The following CCDC7 variants were observed in gnomAD, a reference collection of about 807,000 sequenced individuals.
CCDC7 encodes coiled-coil domain-containing protein 7.
CCDC7 carries 183 observed loss-of-function variants against 196.9 expected under a neutral mutation model. The ratio of observed to expected loss-of-function variants is 0.93; its 90% CI spans 0.82 to 1.05. The LOEUF is 1.05. Ranked by LOEUF, CCDC7 falls within the 50% of genes least tolerant of loss-of-function variation. The pLI is 0.00. For missense variants in CCDC7, 1,540 were observed against 1,482.2 expected, an observed-to-expected ratio of 1.04 and a Z score of -0.64; for synonymous variants, 525 against 484.6, an observed-to-expected ratio of 1.08 and a Z score of -1.10.
At chr10:32,604,890 C>A (rs1438691608) in intron 18 of CCDC7, among the ~76,000 whole-genome samples, 1 of 152,014 alleles carries the variant, frequency 6.6e-6, no homozygotes, top group African/African-American at 2.4e-5. Context: ...TTGTCATCTT[C>A]CTTTCCTGTT....
intron 28 of CCDC7, among the ~76,000 whole-genome samples, chr10:32,747,127 G>A (rs1057002866): frequency 6.6e-6 from 1 of 152,174 alleles, no homozygotes; most frequent in Non-Finnish European, 1.5e-5. Context: ...TTAACCTCAA[G>A]GAGCCAGAGA....
intron 28 of CCDC7, among the ~76,000 whole-genome samples, chr10:32,765,140 A>G (rs911621708): frequency 6.6e-6 from 1 of 152,036 alleles, no homozygotes; most frequent in Non-Finnish European, 1.5e-5. Context: ...CCTTGAAGGA[A>G]GGGTACCTTG....
At chr10:32,601,000 T>G (rs2060939325) in intron 18 of CCDC7, among the ~76,000 whole-genome samples, 1 of 152,204 alleles carries the variant, frequency 6.6e-6, no homozygotes, top group Non-Finnish European at 1.5e-5. Context: ...TTATTTGATT[T>G]TTTTTTCTTT....
At chr10:32,653,438 G>A (rs1162591747) in intron 20 of CCDC7, among the ~76,000 whole-genome samples, 4 of 152,130 alleles carry the variant, frequency 2.6e-5, no homozygotes, top group African/African-American at 9.7e-5. Context: ...CTTCGGTTTG[G>A]GGGAGGGGTG....
At chr10:32,661,212 C>T (rs951074599) in intron 20 of CCDC7, among the ~76,000 whole-genome samples, 1 of 150,232 alleles carries the variant, frequency 6.7e-6, no homozygotes, top group Admixed American at 6.7e-5. Context: ...CCAAAAAACA[C>T]ATGAAAAAAT....
At chr10:32,679,209 A>C (rs2075486193) in intron 21 of CCDC7, among the ~76,000 whole-genome samples, 1 of 152,170 alleles carries the variant, frequency 6.6e-6, no homozygotes, top group Admixed American at 6.5e-5. Flanking sequence ...AGCCCAATAA[A>C]AGGCCAATAA....
intron 13 of CCDC7, among the ~76,000 whole-genome samples, chr10:32,560,804 C>T (rs2055410261): frequency 1.3e-5 from 2 of 152,284 alleles, no homozygotes; most frequent in Non-Finnish European, 2.9e-5. Context: ...ATGACAGGAT[C>T]AAATTCACAC....
intron 28 of CCDC7, among the ~76,000 whole-genome samples, chr10:32,775,595 C>T (rs1196021263): frequency 6.6e-6 from 1 of 152,000 alleles, no homozygotes; most frequent in East Asian, 1.9e-4. Flanking sequence ...TTCCATGGTC[C>T]TAGATCATAG....
intron 30 of CCDC7, among the ~76,000 whole-genome samples, chr10:32,810,624 A>T (rs779493406): frequency 1.1e-4 from 16 of 152,194 alleles, no homozygotes; most frequent in Non-Finnish European, 2.2e-4. Flanking sequence ...CAGAAAATCA[A>T]CGAAGAAACA....
At chr10:32,481,026 T>C (rs1250672068) in intron 8 of CCDC7, among the ~76,000 whole-genome samples, 1 of 152,212 alleles carries the variant, frequency 6.6e-6, no homozygotes, top group East Asian at 1.9e-4. Flanking sequence ...ATTTAGGTGT[T>C]GCAATGTTGG....
chr10:32,832,152 G>T (rs1343317195), intron 32 of CCDC7, among the ~76,000 whole-genome samples: 1 of 152,110 alleles, frequency 6.6e-6, no homozygotes, highest in African/African-American at 2.4e-5. Flanking sequence ...TTACATGAGT[G>T]TAACCATACA....
intron 20 of CCDC7, among the ~76,000 whole-genome samples, chr10:32,661,449 T>C (rs1029171243): frequency 6.6e-6 from 1 of 152,124 alleles, no homozygotes; most frequent in Non-Finnish European, 1.5e-5. Context: ...CAGAGGGAGT[T>C]TCTTACCATA....
At chr10:32,528,693 CACACATATATATGTATATATACAT>C (rs1564558714) in intron 11 of CCDC7, among the ~76,000 whole-genome samples, 11 of 113,174 alleles carry the variant, frequency 9.7e-5, no homozygotes, top group African/African-American at 3.6e-4. Flanking sequence ...TATATATACA[CACACATATATATGTATATATACAT>C]ATATACGTAT....
chr10:32,659,921 C>G (rs1308000726), intron 20 of CCDC7, among the ~76,000 whole-genome samples: 1 of 152,118 alleles, frequency 6.6e-6, no homozygotes, highest in African/African-American at 2.4e-5. Context: ...TATGGTGATT[C>G]ATCAAAGACC....
intron 9 of CCDC7, among the ~76,000 whole-genome samples, chr10:32,506,257 G>T (rs1178303011): frequency 6.7e-6 from 1 of 148,508 alleles, no homozygotes; most frequent in Non-Finnish European, 1.5e-5. Context: ...TTCCCAGACG[G>T]GGCGGCCGGG....
chr10:32,517,191 C>T (rs181621008), intron 9 of CCDC7, among the ~76,000 whole-genome samples: 1 of 152,102 alleles, frequency 6.6e-6, no homozygotes, highest in Non-Finnish European at 1.5e-5. Context: ...AAGATACTTA[C>T]TATTTAGTTC....
At chr10:32,812,047 TA>T (rs1260049041) in intron 30 of CCDC7, among the ~76,000 whole-genome samples, 3 of 152,026 alleles carry the variant, frequency 2.0e-5, no homozygotes. Flanking sequence ...AACTTAGGCA[TA>T]AAAGGAATGT....
intron 29 of CCDC7, among the ~76,000 whole-genome samples, chr10:32,801,346 T>A (rs892708051): frequency 6.6e-6 from 1 of 152,190 alleles, no homozygotes; most frequent in African/African-American, 2.4e-5. Flanking sequence ...TCCAGCTCGC[T>A]CACAGTGGGC....
At chr10:32,558,470 C>T (rs2054734865) in intron 13 of CCDC7, among the ~76,000 whole-genome samples, 1 of 152,066 alleles carries the variant, frequency 6.6e-6, no homozygotes, top group Non-Finnish European at 1.5e-5. Flanking sequence ...CCTATCTTAT[C>T]TTCTTTTCTT....
Sources: gnomAD v4.1 joint callset for allele counts (sites outside exome capture counted in the v4.1 genomes callset) on GRCh38, gnomAD v4.1.1 for gene constraint, MANE v1.5 for transcripts, NCBI Gene and HGNC (gene_info 2026-07-23, HGNC 2026-07-21) for gene names.